KCNIP4: variants seen among roughly 807,000 people sequenced by gnomAD.
KCNIP4 encodes the protein potassium voltage-gated channel interacting protein 4.
In KCNIP4, 12 loss-of-function variants were observed where a neutral mutation model predicts 34.0. That is an observed-to-expected ratio of 0.35 (90% confidence interval 0.23 to 0.57). KCNIP4 has a LOEUF of 0.57. Ranked by LOEUF, KCNIP4 falls within the 20% of genes least tolerant of loss-of-function variation. The pLI, the probability that KCNIP4 is intolerant of heterozygous loss-of-function variation, is 0.83. For missense variants in KCNIP4, 238 were observed against 311.7 expected (o/e 0.76, Z 1.78); for synonymous variants, 124 against 102.2 (o/e 1.21, Z -1.29).
At chr4:21,602,514 A>C (rs1743268132) in intron 1 of KCNIP4, among the ~76,000 whole-genome samples, 1 of 152,194 alleles carries the variant, frequency 6.6e-6, no homozygotes, top group Non-Finnish European at 1.5e-5. Context: ...GCTGAACTCA[A>C]GTCTCTCATT....
intron 3 of KCNIP4, among the ~76,000 whole-genome samples, chr4:20,785,789 TGTA>T (rs1301768772): frequency 2.6e-5 from 4 of 151,984 alleles, no homozygotes; most frequent in African/African-American, 9.7e-5. Context: ...AGACTGACAT[TGTA>T]AGTCCCCAAT....
At chr4:21,083,277 T>C (rs947915069) in intron 1 of KCNIP4, among the ~76,000 whole-genome samples, 3 of 151,852 alleles carry the variant, frequency 2.0e-5, no homozygotes, top group Non-Finnish European at 2.9e-5. Flanking sequence ...CTCTTTTTTT[T>C]CTCTCCCTCT....
chr4:21,045,262 C>T (rs535117831), intron 1 of KCNIP4, among the ~76,000 whole-genome samples: 23 of 152,262 alleles, frequency 1.5e-4, no homozygotes, highest in African/African-American at 4.8e-4. Flanking sequence ...CTCTCTAAAA[C>T]CAAACAATCC....
In KCNIP4 at chr4:21,225,538, T is replaced by C. The variant is rs191040482; in HGVS notation, c.62-342829A>G. 4.2e-3 allele frequency among the ~76,000 whole-genome samples: 633 copies of C among 152,284 alleles called. 4 individuals carry two copies. Among genetic ancestry groups the C allele is most frequent in the Non-Finnish European group, 4.4e-3 (298 of 68,012 alleles). On this transcript the variant is annotated intron_variant, in intron 1 of 8. Transcript: ENST00000382152. ...GCATCCCCTGTTACTCTTAGAAGTATCCTGGTTTTTATAATAAATTCTATA... is the reference window on the plus strand; with the variant it reads ...GCATCCCCTGTTACTCTTAGAAGTACCCTGGTTTTTATAATAAATTCTATA...
At chr4:21,754,262 C>T (rs1312641181) in intron 1 of KCNIP4, among the ~76,000 whole-genome samples, 1 of 152,070 alleles carries the variant, frequency 6.6e-6, no homozygotes, top group African/African-American at 2.4e-5. Context: ...CAACTACCAC[C>T]ACTCCACACC....
chr4:20,911,762 A>T (rs1410668796), intron 1 of KCNIP4, among the ~76,000 whole-genome samples: 9 of 152,196 alleles, frequency 5.9e-5, no homozygotes, highest in Admixed American at 5.9e-4. Context: ...CAGAAAATAC[A>T]TTCTAACATT....
chr4:21,085,346 G>A (rs1402131155), intron 1 of KCNIP4, among the ~76,000 whole-genome samples: 2 of 152,152 alleles, frequency 1.3e-5, no homozygotes, highest in East Asian at 1.9e-4. Context: ...CACCAAACCT[G>A]TGAGAAATAA....
intron 1 of KCNIP4, among the ~76,000 whole-genome samples, chr4:21,870,234 T>A (rs1725705939): frequency 6.6e-6 from 1 of 152,180 alleles, no homozygotes. Flanking sequence ...TGGTTACATG[T>A]TCTCAATACC....
At chr4:21,807,451 G>A (rs1177979684) in intron 1 of KCNIP4, among the ~76,000 whole-genome samples, 1 of 152,118 alleles carries the variant, frequency 6.6e-6, no homozygotes, top group Non-Finnish European at 1.5e-5. Flanking sequence ...GAAGGATGAG[G>A]GGTCACTCAA....
chr4:21,719,935 C>T (rs1195001075), intron 1 of KCNIP4, among the ~76,000 whole-genome samples: 1 of 127,702 alleles, frequency 7.8e-6, no homozygotes, highest in Non-Finnish European at 1.6e-5. Context: ...TGTGCTCCAG[C>T]ATGGGCAACA....
chr4:21,509,847 G>A (rs1011751049), intron 1 of KCNIP4, among the ~76,000 whole-genome samples: 2 of 152,136 alleles, frequency 1.3e-5, no homozygotes, highest in Admixed American at 1.3e-4. Context: ...GCCAGGAGCA[G>A]TGGCTCATGC....
At chr4:21,555,324 T>C (rs920488671) in intron 1 of KCNIP4, among the ~76,000 whole-genome samples, 1 of 152,120 alleles carries the variant, frequency 6.6e-6, no homozygotes, top group South Asian at 2.1e-4. Context: ...GTCATGCACA[T>C]GAGTTCTGAA....
intron 1 of KCNIP4, among the ~76,000 whole-genome samples, chr4:21,221,467 A>C (rs1226546824): frequency 6.6e-6 from 1 of 152,190 alleles, no homozygotes; most frequent in Non-Finnish European, 1.5e-5. Context: ...CACCTTCTTC[A>C]CAAAGCAGTA....
At chr4:20,782,090 A>G (rs111804460) in intron 3 of KCNIP4, among the ~76,000 whole-genome samples, 7 of 152,176 alleles carry the variant, frequency 4.6e-5, no homozygotes, top group African/African-American at 1.7e-4. Context: ...CTCCAAAATG[A>G]TGTCCTTTTA....
chr4:21,008,528 TTTTG>T (rs1254210061), intron 1 of KCNIP4, among the ~76,000 whole-genome samples: 2 of 95,266 alleles, frequency 2.1e-5, no homozygotes, highest in Admixed American at 9.3e-5. Context: ...TTGTTTTTGT[TTTTG>T]TTTTTTTTTG....
intron 3 of KCNIP4, among the ~76,000 whole-genome samples, chr4:20,840,277 C>G (rs183212698): frequency 5.6e-4 from 86 of 152,216 alleles, no homozygotes; most frequent in Middle Eastern, 3.4e-3. Context: ...GCTTTGCATT[C>G]TTTTGTTGTA....
Position 21,050,012 on chromosome 4 carries a change from T to C in KCNIP4, c.62-167303A>G, listed in dbSNP as rs1159406537. 2.0e-5 allele frequency among the ~76,000 whole-genome samples: 3 copies of C among 152,220 alleles called. No homozygotes were observed. In the East Asian group the frequency reaches 5.8e-4, roughly 29 times the overall value. On this transcript the variant is annotated intron_variant, in intron 1 of 8. Transcript: ENST00000382152. ...AGAGGTGACAGTAGCTGCTATAATATACTCATTGGTTTAAAAGTGTTTGTT... is the reference window on the plus strand; with the variant it reads ...AGAGGTGACAGTAGCTGCTATAATACACTCATTGGTTTAAAAGTGTTTGTT...
intron 1 of KCNIP4, among the ~76,000 whole-genome samples, chr4:21,618,265 T>C (rs1245243377): frequency 6.6e-6 from 1 of 152,194 alleles, no homozygotes; most frequent in Non-Finnish European, 1.5e-5. Context: ...TCTTCAAGCC[T>C]GTGATTTCAT....
chr4:21,356,898 G>A (rs562333111), intron 1 of KCNIP4, among the ~76,000 whole-genome samples: 4 of 152,144 alleles, frequency 2.6e-5, no homozygotes, highest in Admixed American at 6.5e-5. Context: ...GAGGCATCAC[G>A]CTACCTGACT....
Sources: allele counts gnomAD v4.1 joint callset (sites outside exome capture counted in the v4.1 genomes callset), GRCh38; gene constraint gnomAD v4.1.1; transcripts MANE v1.5; gene names NCBI Gene and HGNC (gene_info 2026-07-23, HGNC 2026-07-21).